TNR: variants seen among roughly 807,000 people sequenced by gnomAD.
The protein encoded by TNR is tenascin-R.
Under a neutral mutation model 150.4 loss-of-function variants are expected in TNR, and 45 were observed. The ratio of observed to expected loss-of-function variants is 0.30; its 90% CI spans 0.24 to 0.38. The LOEUF (loss-of-function observed/expected upper bound fraction) is 0.38. Ranked by LOEUF, TNR falls within the 10% of genes least tolerant of loss-of-function variation. TNR has a pLI of 1.00. For synonymous variants in TNR, 687 were observed against 678.4 expected (o/e 1.01, Z -0.20); for missense variants, 1,544 against 1,759.1 (o/e 0.88, Z 2.19).
At position 175,688,235 on chromosome 1, in the gene TNR, C is replaced by T. The variant is rs74129303; in HGVS notation, c.-165+54991G>A. ...GGTACAGGGAGGAGCCCCAGTCCCA[C>T]GGGGGTTGTGGCAGACAAGCCTATC... On this transcript the variant is annotated intron_variant, in intron 1 of 22. Transcript: ENST00000367674. Among the ~76,000 whole-genome samples the T allele has an allele frequency of 6.5e-3, 985 of 152,304 alleles. 15 individuals carry two copies. The highest frequency in any genetic ancestry group is 0.022 in the African/African-American group (928 of 41,556).
At chr1:175,594,270 T>C (rs910924730) in intron 1 of TNR, among the ~76,000 whole-genome samples, 13 of 152,010 alleles carry the variant, frequency 8.6e-5, no homozygotes, top group Non-Finnish European at 4.4e-5. Flanking sequence ...AATCTGTATA[T>C]CAGTCAATAT....
At chr1:175,597,985 A>C (rs376913382) in intron 1 of TNR, among the ~76,000 whole-genome samples, 8 of 152,234 alleles carry the variant, frequency 5.3e-5, no homozygotes, top group African/African-American at 1.9e-4. Flanking sequence ...AGAAGTTCAC[A>C]AGAAATCAGA....
At chr1:175,456,933 C>CTGT (rs1557945681) in intron 2 of TNR, among the ~76,000 whole-genome samples, 1 of 152,152 alleles carries the variant, frequency 6.6e-6, no homozygotes, top group East Asian at 1.9e-4. Context: ...GGTTGGCAGA[C>CTGT]TGTTGGCCTT....
At chr1:175,630,296 T>C (rs1664285979) in intron 1 of TNR, among the ~76,000 whole-genome samples, 1 of 152,232 alleles carries the variant, frequency 6.6e-6, no homozygotes, top group Admixed American at 6.5e-5. Flanking sequence ...TCTTGTCTTA[T>C]CCCTAGAAGC....
At chr1:175,697,344 C>T (rs1385961827) in intron 1 of TNR, among the ~76,000 whole-genome samples, 7 of 113,030 alleles carry the variant, frequency 6.2e-5, no homozygotes, top group Admixed American at 1.0e-4. Context: ...CTCCTTTCTA[C>T]GTCTTTTTTT....
At chr1:175,536,219 T>C (rs1660274285) in intron 1 of TNR, among the ~76,000 whole-genome samples, 1 of 152,228 alleles carries the variant, frequency 6.6e-6, no homozygotes, top group African/African-American at 2.4e-5. Context: ...TACCATTATT[T>C]TGAGAAGGAT....
At chr1:175,684,080 T>C (rs1666118298) in intron 1 of TNR, among the ~76,000 whole-genome samples, 1 of 152,194 alleles carries the variant, frequency 6.6e-6, no homozygotes, top group Admixed American at 6.5e-5. Context: ...TTAGGGAGAA[T>C]GTCCTTGTGG....
At position 175,396,636 on chromosome 1, in the gene TNR, G is replaced by A. The variant is rs116383355; in HGVS notation, c.1148C>T (p.Thr383Met). 1,393 of 1,614,206 alleles carry A rather than the reference G, an allele frequency of 8.6e-4. 20 individuals are homozygous for A. In the South Asian group the frequency reaches 0.013, roughly 15 times the overall value. ...GTAGGTGAGACCTGGCTCCAGCTCCGTGATGGTGACACCACTCCAATCTCC... is the reference window on the plus strand; with the variant it reads ...GTAGGTGAGACCTGGCTCCAGCTCCATGATGGTGACACCACTCCAATCTCC... ...VPGDWSGVTI[T>M]ELEPGLTYNI... is the part of the protein sequence containing the mutation. The change falls in exon 5 of 23, where the codon ACG becomes ATG. Residue 383 changes from threonine (T) to methionine (M), a missense_variant. Around this residue, in one of 2 missense-constraint regions of TNR, gnomAD observed 1,254 missense variants for 1,329.4 expected, o/e 0.94. Transcript: ENST00000367674.
intron 1 of TNR, among the ~76,000 whole-genome samples, chr1:175,616,344 T>C (rs1379079571): frequency 2.0e-5 from 3 of 152,190 alleles, no homozygotes; most frequent in Non-Finnish European, 4.4e-5. Flanking sequence ...CCTCAGGAGA[T>C]GTCACATGTC....
chr1:175,433,550 G>A (rs1655366010), intron 2 of TNR, among the ~76,000 whole-genome samples: 1 of 152,192 alleles, frequency 6.6e-6, no homozygotes, highest in African/African-American at 2.4e-5. Flanking sequence ...CTACAGAAGT[G>A]TCATATGGAG....
At chr1:175,507,190 G>A (rs958187420) in intron 2 of TNR, among the ~76,000 whole-genome samples, 28 of 152,180 alleles carry the variant, frequency 1.8e-4, no homozygotes, top group African/African-American at 2.9e-4. Context: ...GCTGGGGGTG[G>A]AGAGCAGGGG....
In TNR at chr1:175,517,473, T is replaced by A. The variant is rs189855004; in HGVS notation, c.-64+10796A>T. Among the ~76,000 whole-genome samples, 8 of 152,280 alleles carry A rather than the reference T, an allele frequency of 5.3e-5. No individual in the cohort carries two copies. In the East Asian group the frequency reaches 5.8e-4, roughly 11 times the overall value. On this transcript the variant is annotated intron_variant, in intron 2 of 22. Transcript: ENST00000367674. ...TTGTCCTACTCCCAGGAAATATGCCTTCCCTACCTCTTCCCTAATCTTCTC... is the reference window on the plus strand; with the variant it reads ...TTGTCCTACTCCCAGGAAATATGCCATCCCTACCTCTTCCCTAATCTTCTC...
intron 1 of TNR, among the ~76,000 whole-genome samples, chr1:175,703,718 T>C (rs1037063502): frequency 1.3e-5 from 2 of 152,124 alleles, no homozygotes; most frequent in Admixed American, 6.5e-5. Flanking sequence ...AATAAACATA[T>C]GAAAAGATGT....
At chr1:175,674,420 T>G (rs1191327148) in intron 1 of TNR, among the ~76,000 whole-genome samples, 1 of 152,202 alleles carries the variant, frequency 6.6e-6, no homozygotes, top group East Asian at 1.9e-4. Context: ...TCTTTATATT[T>G]GAGCTGAAAA....
chr1:175,728,915 G>T (rs1235261516), intron 1 of TNR, among the ~76,000 whole-genome samples: 2 of 152,198 alleles, frequency 1.3e-5, no homozygotes, highest in Non-Finnish European at 2.9e-5. Flanking sequence ...AGAAATGCTT[G>T]TTATTTACCC....
At chr1:175,555,410 T>C (rs1173850433) in intron 1 of TNR, among the ~76,000 whole-genome samples, 1 of 151,630 alleles carries the variant, frequency 6.6e-6, no homozygotes, top group Non-Finnish European at 1.5e-5. Flanking sequence ...TATAAAGACA[T>C]CAGCTCCTGG....
At chr1:175,420,418 T>C (rs1303942602) in intron 2 of TNR, among the ~76,000 whole-genome samples, 4 of 152,230 alleles carry the variant, frequency 2.6e-5, no homozygotes, top group African/African-American at 9.6e-5. Flanking sequence ...TCTGAAAACC[T>C]ATTTGGAAAC....
intron 12 of TNR, 78 bp downstream of exon 12, chr1:175,364,932 T>A: frequency 6.6e-7 from 1 of 1,504,386 alleles, no homozygotes; most frequent in African/African-American, 1.4e-5. Flanking sequence ...GGTCTTTCTC[T>A]TTTAAAATTT....
intron 2 of TNR, among the ~76,000 whole-genome samples, chr1:175,440,357 A>C (rs569654304): frequency 7.3e-6 from 1 of 136,814 alleles, no homozygotes; most frequent in Non-Finnish European, 1.6e-5. Flanking sequence ...GGGGAACATC[A>C]TACACCGGGG....
Sources: gnomAD v4.1 joint callset for allele counts (sites outside exome capture counted in the v4.1 genomes callset) on GRCh38, gnomAD v4.1.1 for gene constraint, gnomAD v4.1.1 regional missense constraint, MANE v1.5 for transcripts, NCBI Gene and HGNC (gene_info 2026-07-23, HGNC 2026-07-21) for gene names.